The following CAMK2B variants were observed in gnomAD, a reference collection of about 807,000 sequenced individuals.
CAMK2B encodes calcium/calmodulin-dependent protein kinase type II subunit beta.
A neutral mutation model predicts 93.7 loss-of-function variants in CAMK2B; 27 were observed. The ratio of observed to expected loss-of-function variants is 0.29; its 90% confidence interval spans 0.21 to 0.40. The LOEUF is 0.40. Ranked by LOEUF, CAMK2B falls within the 10% of genes least tolerant of loss-of-function variation. The pLI, the probability that CAMK2B is intolerant of heterozygous loss-of-function variation, is 1.00. For missense variants in CAMK2B, 568 were observed against 895.8 expected (o/e 0.63, Z 4.67); for synonymous variants, 374 against 358.8 (o/e 1.04, Z -0.48).
chr7:44,304,583 G>T (rs1790935237), intron 1 of CAMK2B, among the ~76,000 whole-genome samples: 1 of 152,206 alleles, frequency 6.6e-6, no homozygotes, highest in Admixed American at 6.5e-5. Context: ...CCAGTGACTG[G>T]CAGGGGTTGG....
chr7:44,256,563 G>T (rs903093794), intron 4 of CAMK2B, among the ~76,000 whole-genome samples: 1 of 152,230 alleles, frequency 6.6e-6, no homozygotes, highest in Non-Finnish European at 1.5e-5. Flanking sequence ...TGGGCAGGAG[G>T]ATCAAAACCC....
intron 1 of CAMK2B, among the ~76,000 whole-genome samples, chr7:44,301,586 G>A (rs1462395127): frequency 6.6e-6 from 1 of 152,146 alleles, no homozygotes; most frequent in East Asian, 1.9e-4. Flanking sequence ...AGACCAGCCT[G>A]GCCAACATGG....
intron 2 of CAMK2B, among the ~76,000 whole-genome samples, chr7:44,263,631 C>T (rs955688641): frequency 2.6e-5 from 4 of 152,142 alleles, no homozygotes; most frequent in South Asian, 2.1e-4. Context: ...CCCAGATCCC[C>T]GGACACCGGA....
intron 2 of CAMK2B, among the ~76,000 whole-genome samples, chr7:44,276,429 C>A (rs1338628911): frequency 4.6e-5 from 7 of 152,188 alleles, no homozygotes; most frequent in Non-Finnish European, 7.4e-5. Context: ...AGGCAGCACC[C>A]CCCCGCCACC....
rs1468843338 is a variant in CAMK2B, at chr7:44,220,720, A to AAATCCAAGTGAGGAGGGGCCCC, written c.1674-32_1674-11dup. On this transcript the variant is annotated splice_polypyrimidine_tract_variant and intron_variant, in intron 21 of 23. Coordinates refer to ENST00000395749, the MANE Select transcript of CAMK2B (RefSeq NM_001220.5). ...TGGGTCACAGATTTTCCTGGGGGCC[A>AAATCCAAGTGAGGAGGGGCCCC]AATCCAAGTGAGGAGGGGCCCCGTG... 1 of 1,607,084 alleles carries AAATCCAAGTGAGGAGGGGCCCC rather than the reference A, an allele frequency of 6.2e-7. No homozygotes were observed. The highest frequency in any genetic ancestry group is 8.5e-7 in the Non-Finnish European group (1 of 1,176,772).
At chr7:44,294,515 T>C (rs745443001) in intron 1 of CAMK2B, among the ~76,000 whole-genome samples, 2 of 152,156 alleles carry the variant, frequency 1.3e-5, no homozygotes, top group Non-Finnish European at 2.9e-5. Flanking sequence ...ATTGGCAATG[T>C]CTGCACTGAG....
chr7:44,259,568 C>T (rs1164905857), intron 3 of CAMK2B: 3 of 153,256 alleles, frequency 2.0e-5, no homozygotes, highest in Admixed American at 1.9e-4. Context: ...CCTCCTTGCA[C>T]AACTTCCCAT....
intron 1 of CAMK2B, among the ~76,000 whole-genome samples, chr7:44,285,887 G>A (rs1159264729): frequency 8.1e-6 from 1 of 123,878 alleles, no homozygotes; most frequent in South Asian, 3.3e-4. Context: ...GGCGCGGCGG[G>A]GGGGCACGGT....
intron 1 of CAMK2B, 127 bp from the exon 2 acceptor site, chr7:44,284,352 A>T: frequency 1.4e-6 from 1 of 692,652 alleles, no homozygotes; most frequent in Non-Finnish European, 2.5e-6. Context: ...CCTCGGGCAG[A>T]TGGCTGTGAG....
intron 1 of CAMK2B, among the ~76,000 whole-genome samples, chr7:44,300,555 T>A (rs1434262299): frequency 1.3e-5 from 2 of 151,158 alleles, no homozygotes; most frequent in Non-Finnish European, 2.9e-5. Context: ...TACATAATAA[T>A]AAAAGGGTCA....
chr7:44,279,108 A>G (rs1017235056), intron 2 of CAMK2B, among the ~76,000 whole-genome samples: 1 of 152,200 alleles, frequency 6.6e-6, no homozygotes, highest in African/African-American at 2.4e-5. Flanking sequence ...TCAAGGAATT[A>G]CTGTCCATTT....
intron 2 of CAMK2B, among the ~76,000 whole-genome samples, chr7:44,274,091 A>G (rs949435707): frequency 3.9e-5 from 6 of 152,182 alleles, no homozygotes; most frequent in Non-Finnish European, 7.3e-5. Flanking sequence ...CCCCAGCAGG[A>G]GAGGCTGAGG....
intron 2 of CAMK2B, among the ~76,000 whole-genome samples, chr7:44,274,502 C>T (rs867431629): frequency 3.3e-5 from 5 of 152,238 alleles, no homozygotes; most frequent in Middle Eastern, 3.2e-3. Context: ...CCGCACCTTT[C>T]GGGCTTCCCC....
intron 13 of CAMK2B, among the ~76,000 whole-genome samples, chr7:44,236,459 C>A (rs1456954609): frequency 2.0e-5 from 3 of 152,086 alleles, no homozygotes; most frequent in African/African-American, 7.2e-5. Flanking sequence ...ACTCTCCGTC[C>A]CCAGGCCTAA....
intron 16 of CAMK2B, among the ~76,000 whole-genome samples, chr7:44,231,543 G>C (rs957447590): frequency 1.3e-5 from 2 of 152,360 alleles, no homozygotes; most frequent in Admixed American, 1.3e-4. Flanking sequence ...CAATGGGACT[G>C]GCTGGTTCCA....
At chr7:44,325,020 C>T (rs1797133630) in intron 1 of CAMK2B, 2 of 151,806 alleles carry the variant, frequency 1.3e-5, no homozygotes, top group East Asian at 3.9e-4. Flanking sequence ...CGCCCCTCCT[C>T]TCTGACCTCC....
intron 1 of CAMK2B, among the ~76,000 whole-genome samples, chr7:44,287,702 A>G (rs754699758): frequency 3.9e-5 from 6 of 152,192 alleles, no homozygotes; most frequent in Non-Finnish European, 8.8e-5. Flanking sequence ...CAACACCGAC[A>G]AAGAGCCTGG....
chr7:44,228,700 C>A (rs2096545648), intron 19 of CAMK2B, 96 bp downstream of exon 19: 2 of 1,203,668 alleles, frequency 1.7e-6, no homozygotes, highest in African/African-American at 3.1e-5. Flanking sequence ...GGCAGGGTAG[C>A]TGGGCCGTGC....
intron 4 of CAMK2B, among the ~76,000 whole-genome samples, chr7:44,255,973 T>C (rs979266407): frequency 1.3e-5 from 2 of 151,108 alleles, no homozygotes; most frequent in Non-Finnish European, 3.0e-5. Context: ...GACTGGGTGT[T>C]CCCTTTCCTT....
Sources: gnomAD v4.1 joint callset for allele counts (sites outside exome capture counted in the v4.1 genomes callset) on GRCh38, gnomAD v4.1.1 for gene constraint, MANE v1.5 for transcripts, NCBI Gene and HGNC (gene_info 2026-07-23, HGNC 2026-07-21) for gene names.